OTOG: variants seen among roughly 807,000 people sequenced by gnomAD.
The protein encoded by OTOG is otogelin.
Under a neutral mutation model 313.8 loss-of-function variants are expected in OTOG, and 296 were observed. The observed-to-expected ratio is 0.94, with a 90% confidence interval of 0.86 to 1.04. The LOEUF (loss-of-function observed/expected upper bound fraction) is 1.04. Among genes scored for constraint, OTOG ranks in the 50% least tolerant of loss-of-function variants. The pLI, the probability that OTOG is intolerant of heterozygous loss-of-function variation, is 0.00. For synonymous variants in OTOG, 1,533 were observed against 1,554.9 expected (o/e 0.99, Z 0.33); for missense variants, 3,948 against 3,840.1 (o/e 1.03, Z -0.74).
At position 17,602,300 on chromosome 11, in the gene OTOG, T is replaced by C; in HGVS notation, c.3800T>C (p.Val1267Ala). The change falls in exon 32 of 56, where the codon GTG (valine) becomes GCG (alanine). Residue 1267 changes from valine to alanine, a missense_variant. Val to Ala is a moderately conservative substitution (Grantham distance 64). Coordinates refer to ENST00000399397, the MANE Select transcript of OTOG (RefSeq NM_001292063.2). ...GCGGTGGGCGATGACATAGTCCTAG[T>C]GAGGACAGAGGATGTGGCGCCAGCA... ...MKAVGDDIVL[V>A]RTEDVAPADI... is the part of the protein sequence containing the mutation. The C allele has an allele frequency of 6.4e-6, 10 of 1,550,546 alleles. No homozygotes were observed. The highest frequency in any genetic ancestry group is 7.8e-6 in the Non-Finnish European group (9 of 1,146,944).
At chr11:17,627,302 ATTT>A (rs35930876) in intron 39 of OTOG, among the ~76,000 whole-genome samples, 17 of 150,928 alleles carry the variant, frequency 1.1e-4, no homozygotes, top group Non-Finnish European at 2.4e-4. Context: ...TTTTATACTC[ATTT>A]TTTTTTAGGA....
At chr11:17,602,083 G>A in intron 31 of OTOG, 127 bp from the exon 32 acceptor site, 1 of 1,036,750 alleles carries the variant, frequency 9.6e-7, no homozygotes, top group East Asian at 2.6e-5. Context: ...TGGGATGAAG[G>A]ACACCATCAA....
Position 17,633,773 on chromosome 11 carries a change from A to C in OTOG, c.7166A>C (p.Asp2389Ala). The change falls in exon 43 of 56, where the codon GAC becomes GCC. Residue 2389 changes from aspartate (D) to alanine (A), a missense_variant. Physicochemically the swap from Asp to Ala is moderately radical, Grantham distance 126. Transcript: ENST00000399397. ...TCQDGILGPL[D>A]PEHCQVLGEG... ...CAGGATGGGATACTAGGGCCTCTGG[A>C]CCCAGAGCACTGCCAGGTGCTGGGC... The C allele has an allele frequency of 6.4e-7, 1 of 1,550,418 alleles. No homozygotes were observed. Among genetic ancestry groups the C allele is most frequent in the South Asian group, 1.2e-5 (1 of 84,048 alleles).
At position 17,559,587 on chromosome 11, in the gene OTOG, C is replaced by T; in HGVS notation, c.1267C>T (p.Pro423Ser). ...FTYNECIACC[P>S]ASCHPRASCV... ...CTACAATGAGTGCATCGCCTGCTGC[C>T]CTGCCTCCTGCCATCCCCGGGCATC... The change falls in exon 12 of 56, where the codon CCT becomes TCT. Residue 423 changes from proline (P) to serine (S), a missense_variant. Transcript: ENST00000399397. 6.4e-7 allele frequency: 1 copy of T among 1,550,830 alleles called. No individual in the cohort carries two copies. Among genetic ancestry groups the T allele is most frequent in the Non-Finnish European group, 8.7e-7 (1 of 1,147,062 alleles).
At chr11:17,631,566 A>C in intron 40 of OTOG, 136 bp from the exon 41 acceptor site, 1 of 728,322 alleles carries the variant, frequency 1.4e-6, no homozygotes, top group East Asian at 2.7e-5. Context: ...CCCTTCACCT[A>C]ATTTCCCTCA....
chr11:17,548,123 C>G (rs778936250), intron 2 of OTOG, 29 bp from the exon 3 acceptor site: 6 of 1,540,074 alleles, frequency 3.9e-6, no homozygotes, highest in East Asian at 4.9e-5. Flanking sequence ...CCTAGCCCCC[C>G]ATCCATGCCA....
At chr11:17,590,013 C>T (rs1213870706) in intron 24 of OTOG, among the ~76,000 whole-genome samples, 1 of 152,180 alleles carries the variant, frequency 6.6e-6, no homozygotes, top group Admixed American at 6.5e-5. Context: ...TCTTCCTCTT[C>T]TCCAACCTCT....
At chr11:17,554,069 C>A (rs2133999829) in intron 6 of OTOG, among the ~76,000 whole-genome samples, 1 of 152,218 alleles carries the variant, frequency 6.6e-6, no homozygotes. Context: ...AGAGTGTGGG[C>A]AGACTTGAGA....
In OTOG at chr11:17,609,834, C is replaced by T. The variant is rs1853480867; in HGVS notation, c.4534C>T (p.Pro1512Ser). The change falls in exon 36 of 56, where the codon CCA becomes TCA. Residue 1512 changes from proline (P) to serine (S), a missense_variant. Pro to Ser is a moderately conservative substitution (Grantham distance 74). Coordinates refer to ENST00000399397, the MANE Select transcript of OTOG (RefSeq NM_001292063.2). ...CCCACTCACCACAGCCCTGAACCCA[C>T]CAGTGACAGCCACTGAGGAGCCAGT... ...AAPLTTALNP[P>S]VTATEEPVVS... 1.3e-6 allele frequency: 2 copies of T among 1,525,236 alleles called. No homozygotes were observed. Among genetic ancestry groups the T allele is most frequent in the South Asian group, 1.2e-5 (1 of 80,848 alleles). 94.5% of individuals were successfully genotyped at this position (1,525,236 alleles called of 1,614,324 possible).
chr11:17,639,300 G>C, intron 48 of OTOG, 123 bp from the exon 49 acceptor site: 1 of 1,021,314 alleles, frequency 9.8e-7, no homozygotes, highest in South Asian at 1.4e-5. Flanking sequence ...CCTCTCCCAG[G>C]CCTGGCCTGG....
intron 33 of OTOG, 68 bp from the exon 34 acceptor site, chr11:17,608,228 G>A: frequency 9.1e-7 from 1 of 1,098,920 alleles, no homozygotes. Context: ...TGGGGGGCAG[G>A]GCTGAGCTCT....
In OTOG at chr11:17,570,414, C is replaced by T. The variant is rs10832802; in HGVS notation, c.1955+24C>T. 644,304 of 1,546,778 alleles carry T rather than the reference C, an allele frequency of 0.42. 136,453 individuals are homozygous for T. Among genetic ancestry groups the T allele is most frequent in the Non-Finnish European group, 0.44 (501,621 of 1,144,358 alleles). On this transcript the variant is annotated intron_variant, in intron 17 of 55. Coordinates refer to ENST00000399397, the MANE Select transcript of OTOG (RefSeq NM_001292063.2). ...CTGTACGTAGCCCTGCCACGGAACC[C>T]GAAGAAGAGGGGAAATGGGCCCCTT...
chr11:17,619,016 A>G (rs914296837), intron 39 of OTOG, among the ~76,000 whole-genome samples: 1 of 152,022 alleles, frequency 6.6e-6, no homozygotes, highest in East Asian at 1.9e-4. Context: ...CTGTAATTTC[A>G]CTTTGGGAGG....
At position 17,613,631 on chromosome 11, in the gene OTOG, C is replaced by T. The variant is rs1201251027; in HGVS notation, c.6458C>T (p.Pro2153Leu). ...CTGCAGGGGCACCTGAACTGGCCCC[C>T]GTTCTGTCTGGTGATGTTGAACATG... ...SANLGHLNWP[P>L]FCLVMLNMTH... Residue 2153 changes from proline to leucine, a missense_variant, in exon 39 of 56, where the codon CCG becomes CTG. By Grantham distance (98) the Pro-to-Leu change is moderately conservative (BLOSUM62 -3). Transcript: ENST00000399397. 10 of 1,550,686 alleles carry T rather than the reference C, an allele frequency of 6.4e-6. No homozygotes were observed. The East Asian group carries it at 7.3e-5, about 11-fold the overall frequency.
Position 17,609,873 on chromosome 11 carries a change from C to A in OTOG, c.4573C>A (p.Pro1525Thr), listed in dbSNP as rs1247726713. Residue 1525 changes from proline (P) to threonine (T), a missense_variant, in exon 36 of 56, where the codon CCC (proline) becomes ACC (threonine). By Grantham distance (38) the Pro-to-Thr change is conservative (BLOSUM62 -1). Coordinates refer to ENST00000399397, the MANE Select transcript of OTOG (RefSeq NM_001292063.2). Reference protein sequence around the residue: ...ATEEPVVSPGPTQTTLQQPLE... With the variant: ...ATEEPVVSPGTTQTTLQQPLE... ...TGAGGAGCCAGTGGTGTCTCCAGGCCCCACCCAGACCACCCTGCAGCAGCC... is the reference window on the plus strand; with the variant it reads ...TGAGGAGCCAGTGGTGTCTCCAGGCACCACCCAGACCACCCTGCAGCAGCC... 6.6e-7 allele frequency: 1 copy of A among 1,515,068 alleles called. No individual in the cohort carries two copies. Among genetic ancestry groups the A allele is most frequent in the Admixed American group, 2.0e-5 (1 of 48,786 alleles). The allele number at this position is 1,515,068 out of a possible 1,614,324, so 93.9% of individuals were successfully genotyped here.
intron 15 of OTOG, among the ~76,000 whole-genome samples, chr11:17,562,073 G>A (rs1246749799): frequency 3.6e-5 from 5 of 136,996 alleles, no homozygotes; most frequent in Admixed American, 1.5e-4. Context: ...ATATATATAT[G>A]TATGTATATG....
At position 17,609,274 on chromosome 11, in the gene OTOG, C is replaced by T. The variant is rs1035316500; in HGVS notation, c.4354+65C>T. ...TCTAAGTCCCTAGGGTCTCACTGAG[C>T]AGTCATGCCTCAAAGCTCCCAGGTC... On this transcript the variant is annotated intron_variant, in intron 35 of 55. Coordinates refer to ENST00000399397, the MANE Select transcript of OTOG (RefSeq NM_001292063.2). The T allele has an allele frequency of 2.1e-6, 3 of 1,420,096 alleles. No homozygotes were observed. The African/African-American group carries it at 4.3e-5, about 20-fold the overall frequency. 88.0% of individuals were successfully genotyped at this position (1,420,096 alleles called of 1,614,324 possible).
intron 39 of OTOG, among the ~76,000 whole-genome samples, chr11:17,621,833 T>C (rs936236322): frequency 1.3e-5 from 2 of 152,358 alleles, no homozygotes; most frequent in African/African-American, 2.4e-5. Flanking sequence ...ACTGTTCACG[T>C]TGGAAAACTG....
intron 39 of OTOG, among the ~76,000 whole-genome samples, chr11:17,616,085 G>T (rs548686666): frequency 2.4e-3 from 367 of 152,014 alleles, no homozygotes; most frequent in Middle Eastern, 0.01. Flanking sequence ...TTAGAGACAG[G>T]GTCTTTCCCT....
Sources: gnomAD v4.1 joint callset for allele counts (sites outside exome capture counted in the v4.1 genomes callset) on GRCh38, gnomAD v4.1.1 for gene constraint, MANE v1.5 for transcripts, NCBI Gene and HGNC (gene_info 2026-07-23, HGNC 2026-07-21) for gene names.